Variants in SOD2 observed in about 807,000 individuals in gnomAD.
SOD2 encodes superoxide dismutase [Mn], mitochondrial.
A neutral mutation model predicts 27.0 loss-of-function variants in SOD2; 11 were observed. The ratio of observed to expected loss-of-function variants is 0.41; its 90% CI spans 0.26 to 0.67. The LOEUF is 0.67. SOD2 is among the 30% of genes least tolerant of loss of function. The probability of loss-of-function intolerance (pLI) is 0.34; values close to 1 mark genes in which losing one functional copy is unlikely to be tolerated. For missense variants in SOD2, 250 were observed against 274.5 expected (o/e 0.91, Z 0.63); for synonymous variants, 105 against 103.0 (o/e 1.02, Z -0.12).
chr6:159,714,273 A>G (rs1777884746), intron 1 of SOD2, among the ~76,000 whole-genome samples: 2 of 152,062 alleles, frequency 1.3e-5, no homozygotes, highest in African/African-American at 4.8e-5. Context: ...ATCTCTGCCT[A>G]TACCTTTTCC....
At chr6:159,743,046 A>T (rs1779356707) in intron 1 of SOD2, among the ~76,000 whole-genome samples, 2 of 151,902 alleles carry the variant, frequency 1.3e-5, no homozygotes, top group South Asian at 2.1e-4. Flanking sequence ...TTACTATTTT[A>T]TTTATTTATT....
intron 1 of SOD2, among the ~76,000 whole-genome samples, chr6:159,737,517 A>T (rs1778993617): frequency 6.6e-6 from 1 of 152,112 alleles, no homozygotes; most frequent in Non-Finnish European, 1.5e-5. Context: ...TTTCTGAGAC[A>T]GAGTCTCACT....
intron 1 of SOD2, among the ~76,000 whole-genome samples, chr6:159,702,400 G>A (rs942369202): frequency 6.6e-6 from 1 of 151,460 alleles, no homozygotes; most frequent in African/African-American, 2.4e-5. Flanking sequence ...AGGTTGAAGT[G>A]ATTCTTGTGC....
At chr6:159,687,482 CA>C (rs11434280) in intron 3 of SOD2, among the ~76,000 whole-genome samples, 15 of 147,984 alleles carry the variant, frequency 1.0e-4, no homozygotes, top group East Asian at 2.0e-4. Flanking sequence ...GACTCCGTCT[CA>C]AAAAAAAAAA....
chr6:159,684,795 G>A lies in SOD2; in HGVS notation c.523+59C>T, dbSNP rs1780108668. The A allele has an allele frequency of 2.2e-6, 3 of 1,340,018 alleles. No homozygotes were observed. The South Asian group carries it at 4.4e-5, about 20-fold the overall frequency. 83.0% of individuals were successfully genotyped at this position (1,340,018 alleles called of 1,614,324 possible). On this transcript the variant is annotated intron_variant, in intron 4 of 4. Transcript: ENST00000538183. Reference sequence around the variant, plus strand: ...ACACTGTTAGTTTTCCTTATTTCTAGTTGAATGCTTTACAGTAGAGCATCT... The same window carrying A: ...ACACTGTTAGTTTTCCTTATTTCTAATTGAATGCTTTACAGTAGAGCATCT...
chr6:159,713,921 G>A lies in SOD2; in HGVS notation c.-116+13208C>T, dbSNP rs577918153. ...AGAGAAGTGCATCACTTCATCAGCT[G>A]AGCAGGACCAGGATAGGCCCTGGAC... On this transcript the variant is annotated intron_variant, in intron 1 of 2. Transcript: ENST00000401980. 5 of 912,274 alleles carry A rather than the reference G, an allele frequency of 5.5e-6. No homozygotes were observed. In the Admixed American group the frequency reaches 8.3e-5, roughly 15 times the overall value. The allele number at this position is 912,274 out of a possible 1,614,324, so 56.5% of individuals were successfully genotyped here.
chr6:159,702,654 C>CAAAAAAAAAAAAAAAAAA (rs750073120), intron 1 of SOD2, among the ~76,000 whole-genome samples: 1 of 39,830 alleles, frequency 2.5e-5, no homozygotes, highest in Non-Finnish European at 5.0e-5. Context: ...TCTATCTCTC[C>CAAAAAAAAAAAAAAAAAA]AAAAAAAAAA....
chr6:159,744,376 C>T (rs1484162417), intron 1 of SOD2, among the ~76,000 whole-genome samples: 1 of 152,124 alleles, frequency 6.6e-6, no homozygotes, highest in African/African-American at 2.4e-5. Context: ...CAGCTGTATC[C>T]TTGTTTCTGA....
chr6:159,727,672 C>T (rs1393749054), upstream of SOD2: 2 of 984,784 alleles, frequency 2.0e-6, no homozygotes, highest in Non-Finnish European at 2.4e-6. Context: ...CCTATGCGAC[C>T]GGTGGCGCCG....
intron 1 of SOD2, among the ~76,000 whole-genome samples, chr6:159,721,746 T>C (rs1196646830): frequency 4.4e-5 from 6 of 135,504 alleles, no homozygotes; most frequent in African/African-American, 1.7e-4. Context: ...AGGTTGGTCT[T>C]GAACTCCTGA....
At chr6:159,743,680 G>A (rs1165719493) in intron 1 of SOD2, 1 of 1,612,246 alleles carries the variant, frequency 6.2e-7, no homozygotes, top group East Asian at 2.2e-5. Flanking sequence ...GATGTAACTG[G>A]CCTAAGAGAG....
chr6:159,744,261 A>G (rs1562461724), intron 1 of SOD2, among the ~76,000 whole-genome samples: 1 of 152,116 alleles, frequency 6.6e-6, no homozygotes, highest in Non-Finnish European at 1.5e-5. Flanking sequence ...ACTGTGTAGT[A>G]TTTACTATGT....
At position 159,682,511 on chromosome 6, in the gene SOD2, G is replaced by A. The variant is rs1780005003; in HGVS notation, c.651C>T (p.Tyr217=). ...VINWENVTER[Y]MACKK is the part of the protein sequence containing the mutation. The stretch of plus-strand genomic sequence containing the variant: ...TCGTGGTTTACTTTTTGCAAGCCAT[G>A]TATCTTTCAGTTACATTCTCCCAGT... Residue 217 remains tyrosine, a synonymous_variant, in exon 5 of 5, where the codon TAC becomes TAT. Transcript: ENST00000538183. 5.6e-6 allele frequency: 9 copies of A among 1,613,300 alleles called. No homozygotes were observed. Among genetic ancestry groups the A allele is most frequent in the Non-Finnish European group, 6.8e-6 (8 of 1,179,774 alleles).
At chr6:159,757,493 AC>A (rs1421749331) in intron 1 of SOD2, among the ~76,000 whole-genome samples, 4 of 150,606 alleles carry the variant, frequency 2.7e-5, no homozygotes, top group Non-Finnish European at 4.4e-5. Flanking sequence ...GCTCACTGCA[AC>A]CTCCACCTCC....
chr6:159,732,886 A>AGTGTGTGTGTGTGTGTGTGTGTGT (rs67554039), intron 1 of SOD2, among the ~76,000 whole-genome samples: 20 of 146,380 alleles, frequency 1.4e-4, no homozygotes, highest in African/African-American at 4.7e-4. Flanking sequence ...ATATATATAT[A>AGTGTGTGTGTGTGTGTGTGTGTGT]GTGTGTGTGT....
chr6:159,748,224 C>T (rs1214157848), upstream of SOD2: 14 of 1,613,944 alleles, frequency 8.7e-6, no homozygotes, highest in East Asian at 2.2e-5. The surrounding 1 kb of genome is among the most constrained non-coding windows in gnomAD (Gnocchi z 5.6). Flanking sequence ...AGTCCAGCAG[C>T]CGAGCGTTGC....
At chr6:159,692,599 G>T (rs757408721) in intron 2 of SOD2, 62 bp downstream of exon 2, 26 of 1,602,526 alleles carry the variant, frequency 1.6e-5, no homozygotes, top group South Asian at 1.6e-4. Flanking sequence ...TCCGTATGGG[G>T]CCTGGCTCCC....
chr6:159,717,022 A>G (rs1762962783), intron 1 of SOD2, among the ~76,000 whole-genome samples: 1 of 152,234 alleles, frequency 6.6e-6, no homozygotes, highest in Non-Finnish European at 1.5e-5. Context: ...AATCCTTTTC[A>G]GAAAGCTGCT....
At chr6:159,736,248 T>A (rs2114896772) in intron 1 of SOD2, 1 of 1,597,226 alleles carries the variant, frequency 6.3e-7, no homozygotes, top group East Asian at 2.2e-5. Flanking sequence ...TCCGCAACTT[T>A]TTTTTTTAGG....
Sources: allele counts gnomAD v4.1 joint callset (sites outside exome capture counted in the v4.1 genomes callset), GRCh38; gene constraint gnomAD v4.1.1; non-coding constraint Gnocchi (gnomAD v3.1); transcripts MANE v1.5; gene names NCBI Gene and HGNC (gene_info 2026-07-23, HGNC 2026-07-21).